COL5A2: variants seen among roughly 807,000 people sequenced by gnomAD.
COL5A2 encodes collagen alpha-2(V) chain.
COL5A2 carries 23 observed loss-of-function variants against 208.2 expected under a neutral mutation model. That is an observed-to-expected ratio of 0.11 (90% confidence interval 0.08 to 0.16). COL5A2 has a LOEUF of 0.16. Among genes scored for constraint, COL5A2 ranks in the 10% least tolerant of loss-of-function variants. The pLI, the probability that COL5A2 is intolerant of heterozygous loss-of-function variation, is 1.00. For missense variants in COL5A2, 1,590 were observed against 1,956.4 expected (o/e 0.81, Z 3.53); for synonymous variants, 625 against 628.5 (o/e 0.99, Z 0.08).
At chr2:189,130,426 A>G (rs901084514) in intron 1 of COL5A2, among the ~76,000 whole-genome samples, 1 of 152,016 alleles carries the variant, frequency 6.6e-6, no homozygotes, top group Admixed American at 6.6e-5. Context: ...TTAAAAGGGC[A>G]TTTACTTGTA....
the COL5A2 span, among the ~76,000 whole-genome samples, chr2:189,398,146 C>T: frequency 9.9e-5 from 15 of 152,246 alleles, no homozygotes; most frequent in Non-Finnish European, 2.9e-5. Context: ...ATTGTGCTCA[C>T]TGAATACATG....
At chr2:189,368,184 C>T in the COL5A2 span, among the ~76,000 whole-genome samples, 1 of 152,106 alleles carries the variant, frequency 6.6e-6, no homozygotes, top group African/African-American at 2.4e-5. Flanking sequence ...TATTTGACAT[C>T]AAAACAGAAA....
intron 52 of COL5A2, among the ~76,000 whole-genome samples, chr2:189,035,669 A>G (rs1000184214): frequency 1.3e-5 from 2 of 152,120 alleles, no homozygotes; most frequent in African/African-American, 2.4e-5. Context: ...TTTATTTTAC[A>G]TATTATATTA....
the COL5A2 span, among the ~76,000 whole-genome samples, chr2:189,434,257 T>C: frequency 6.6e-6 from 1 of 152,184 alleles, no homozygotes; most frequent in Non-Finnish European, 1.5e-5. Flanking sequence ...GCATTCCCTT[T>C]GAAAACTAGC....
chr2:189,437,802 A>G, the COL5A2 span, among the ~76,000 whole-genome samples: 12 of 152,204 alleles, frequency 7.9e-5, no homozygotes, highest in Non-Finnish European at 2.9e-5. Context: ...AATTCATGAC[A>G]TTAATACAAA....
the COL5A2 span, among the ~76,000 whole-genome samples, chr2:189,437,765 G>A: frequency 3.3e-5 from 5 of 152,090 alleles, no homozygotes; most frequent in African/African-American, 1.2e-4. Flanking sequence ...AGGAAACATA[G>A]CAGAGCCCAA....
the COL5A2 span, among the ~76,000 whole-genome samples, chr2:189,303,178 G>A: frequency 6.6e-6 from 1 of 152,116 alleles, no homozygotes; most frequent in Non-Finnish European, 1.5e-5. Flanking sequence ...GTGGGTGGAA[G>A]ACATAAACAG....
At chr2:189,165,892 T>A (rs2105809706) in intron 1 of COL5A2, among the ~76,000 whole-genome samples, 1 of 152,358 alleles carries the variant, frequency 6.6e-6, no homozygotes, top group South Asian at 2.1e-4. Context: ...GTAGGCCTAG[T>A]TGACGGAATA....
chr2:189,359,805 T>C, the COL5A2 span, among the ~76,000 whole-genome samples: 2 of 152,180 alleles, frequency 1.3e-5, no homozygotes, highest in Admixed American at 6.5e-5. Context: ...GTAGGTTCTA[T>C]ATGTCCAGGA....
At chr2:189,138,562 C>G (rs773756023) in intron 1 of COL5A2, among the ~76,000 whole-genome samples, 1 of 152,148 alleles carries the variant, frequency 6.6e-6, no homozygotes, top group Non-Finnish European at 1.5e-5. Flanking sequence ...TCCCAAGTAG[C>G]AATGAACACA....
At chr2:189,366,055 T>A in the COL5A2 span, among the ~76,000 whole-genome samples, 1 of 152,198 alleles carries the variant, frequency 6.6e-6, no homozygotes, top group African/African-American at 2.4e-5. Context: ...TTGCAATCAT[T>A]ACAGCCTTAC....
chr2:189,299,224 C>A, the COL5A2 span, among the ~76,000 whole-genome samples: 1 of 151,972 alleles, frequency 6.6e-6, no homozygotes, highest in East Asian at 1.9e-4. Context: ...AGTTTTTAAA[C>A]CATTAGGTTT....
At chr2:189,063,419 G>GT (rs1686078605) in intron 26 of COL5A2, 149 bp from the exon 27 acceptor site, 2 of 711,786 alleles carry the variant, frequency 2.8e-6, no homozygotes, top group Non-Finnish European at 2.4e-6. Context: ...AGTTGAATGG[G>GT]TTTTTTAAAA....
At chr2:189,228,926 A>G (rs990310960), upstream of COL5A2, among the ~76,000 whole-genome samples, 9 of 151,880 alleles carry the variant, frequency 5.9e-5, no homozygotes, top group Admixed American at 5.3e-4. Context: ...ATATGAGCAA[A>G]CTAAATTCAA....
At chr2:189,221,057 A>T (rs1338147450) in intron 1 of COL5A2, among the ~76,000 whole-genome samples, 1 of 152,228 alleles carries the variant, frequency 6.6e-6, no homozygotes, top group Non-Finnish European at 1.5e-5. Context: ...GTAAATCCAT[A>T]GAAGGCTATT....
the COL5A2 span, among the ~76,000 whole-genome samples, chr2:189,317,015 C>T: frequency 6.6e-6 from 1 of 151,972 alleles, no homozygotes; most frequent in South Asian, 2.1e-4. Flanking sequence ...AATATATACA[C>T]CTACTATGTA....
intron 1 of COL5A2, among the ~76,000 whole-genome samples, chr2:189,135,488 C>A (rs1687810339): frequency 6.6e-6 from 1 of 152,134 alleles, no homozygotes; most frequent in Non-Finnish European, 1.5e-5. Flanking sequence ...AATCCTACTT[C>A]TCTGTGTCAT....
intron 1 of COL5A2, among the ~76,000 whole-genome samples, chr2:189,138,565 T>C (rs1687869990): frequency 6.6e-6 from 1 of 152,152 alleles, no homozygotes. Context: ...CAAGTAGCAA[T>C]GAACACACCT....
the COL5A2 span, among the ~76,000 whole-genome samples, chr2:189,350,255 A>C: frequency 1.1e-4 from 17 of 152,304 alleles, no homozygotes; most frequent in African/African-American, 4.1e-4. Context: ...CTCTCATGTG[A>C]TCAGGAAACG....
Sources: gnomAD v4.1 joint callset for allele counts (sites outside exome capture counted in the v4.1 genomes callset) on GRCh38, gnomAD v4.1.1 for gene constraint, MANE v1.5 for transcripts, NCBI Gene and HGNC (gene_info 2026-07-23, HGNC 2026-07-21) for gene names.